Variants in PSD3 observed in about 807,000 individuals in gnomAD.
PSD3 encodes pleckstrin and Sec7 domain containing 3.
Under a neutral mutation model 105.5 loss-of-function variants are expected in PSD3, and 49 were observed. That is an observed-to-expected ratio of 0.46 (90% CI 0.37 to 0.59). The LOEUF (loss-of-function observed/expected upper bound fraction) is 0.59. Among genes scored for constraint, PSD3 ranks in the 20% least tolerant of loss-of-function variants. The probability of loss-of-function intolerance (pLI) is 0.00; values close to 1 mark genes in which losing one functional copy is unlikely to be tolerated. For missense variants in PSD3, 1,561 were observed against 1,263.8 expected, an observed-to-expected ratio of 1.24 and a Z score of -3.57; for synonymous variants, 557 against 457.8, an observed-to-expected ratio of 1.22 and a Z score of -2.77.
chr8:18,743,368 C>T (rs926871374), intron 9 of PSD3, among the ~76,000 whole-genome samples: 3 of 152,052 alleles, frequency 2.0e-5, no homozygotes, highest in East Asian at 1.9e-4. Context: ...GGAGAATGAA[C>T]GGATGGGAAA....
At chr8:18,892,227 C>CTT (rs36035049) in intron 2 of PSD3, among the ~76,000 whole-genome samples, 34 of 144,358 alleles carry the variant, frequency 2.4e-4, no homozygotes, top group South Asian at 6.6e-4. Flanking sequence ...ACCATATAAA[C>CTT]TTTTTTTTTT....
intron 4 of PSD3, among the ~76,000 whole-genome samples, chr8:18,812,067 C>T (rs1351148972): frequency 1.3e-5 from 2 of 152,118 alleles, no homozygotes; most frequent in Non-Finnish European, 2.9e-5. Flanking sequence ...AATCTCGGAT[C>T]AGACTGAACA....
At chr8:18,610,862 T>G (rs1377093630) in intron 11 of PSD3, among the ~76,000 whole-genome samples, 1 of 152,190 alleles carries the variant, frequency 6.6e-6, no homozygotes, top group Non-Finnish European at 1.5e-5. Context: ...GCTAGGCACT[T>G]AGATTTTATT....
In PSD3 at chr8:18,731,921, G is replaced by A. The variant is rs1055486799; in HGVS notation, c.2172+33528C>T. 2.6e-5 allele frequency among the ~76,000 whole-genome samples: 4 copies of A among 152,158 alleles called. No homozygotes were observed. The East Asian group carries it at 5.8e-4, about 22-fold the overall frequency. The stretch of plus-strand genomic sequence containing the variant: ...TGCCCATCAGTGAGTAGGATGCACA[G>A]CTATTTGAGGAGTCTGAGAGGTCAC... On this transcript the variant is annotated intron_variant, in intron 9 of 15. Transcript: ENST00000327040.
In PSD3 at chr8:18,871,467, C is replaced by G. The variant is rs368415248; in HGVS notation, c.1238+159G>C. 1.1e-4 allele frequency among the ~76,000 whole-genome samples: 16 copies of G among 152,324 alleles called. No individual in the cohort carries two copies. In the East Asian group the frequency reaches 2.5e-3, roughly 24 times the overall value. ...AATATCTGAGAAGCTTAGGAGGAAT[C>G]TTAGCTTAGAAGGACCTAGCTCACA... On this transcript the variant is annotated intron_variant, in intron 3 of 15. Transcript: ENST00000327040.
chr8:19,031,985 G>T (rs999607310), intron 1 of PSD3, among the ~76,000 whole-genome samples: 1 of 152,004 alleles, frequency 6.6e-6, no homozygotes, highest in South Asian at 2.1e-4. Flanking sequence ...CTTCTATTTT[G>T]GAGAAATGAT....
At chr8:18,580,846 C>T (rs1393918095) in intron 12 of PSD3, among the ~76,000 whole-genome samples, 1 of 152,142 alleles carries the variant, frequency 6.6e-6, no homozygotes, top group African/African-American at 2.4e-5. Flanking sequence ...CTACAATAAT[C>T]AAGAGGTGAA....
At chr8:18,906,195 T>A (rs188034394) in intron 2 of PSD3, among the ~76,000 whole-genome samples, 1 of 152,168 alleles carries the variant, frequency 6.6e-6, no homozygotes, top group Non-Finnish European at 1.5e-5. Flanking sequence ...AAATATCAGA[T>A]AAACATTTAT....
chr8:18,751,255 C>G (rs1030357956), intron 9 of PSD3, among the ~76,000 whole-genome samples: 1 of 152,196 alleles, frequency 6.6e-6, no homozygotes, highest in Non-Finnish European at 1.5e-5. Flanking sequence ...GCTGGGGGAC[C>G]CAGTACACCC....
intron 15 of PSD3, among the ~76,000 whole-genome samples, chr8:18,550,604 C>G (rs1472600420): frequency 6.6e-6 from 1 of 151,876 alleles, no homozygotes; most frequent in Admixed American, 6.6e-5. Context: ...GTGCTCAGAA[C>G]ATTTAATATT....
intron 2 of PSD3, among the ~76,000 whole-genome samples, chr8:18,909,552 T>C (rs952082126): frequency 6.6e-6 from 1 of 152,194 alleles, no homozygotes; most frequent in Non-Finnish European, 1.5e-5. Flanking sequence ...TGATCTCGGC[T>C]CACTGCAACC....
intron 15 of PSD3, among the ~76,000 whole-genome samples, chr8:18,536,459 T>G (rs10098042): frequency 0.91 from 138,558 of 152,232 alleles, 63,131 homozygotes; most frequent in East Asian, 0.97. Context: ...ATTCCGTGGC[T>G]AATCTCCTGG....
At chr8:18,752,586 T>TTA (rs1348020646) in intron 9 of PSD3, among the ~76,000 whole-genome samples, 1,123 of 77,966 alleles carry the variant, frequency 0.014, 57 homozygotes, top group African/African-American at 0.077. Flanking sequence ...ATTATATATA[T>TTA]TATATATTAT....
chr8:18,969,300 T>C (rs1239148014), intron 1 of PSD3, among the ~76,000 whole-genome samples: 9 of 152,228 alleles, frequency 5.9e-5, no homozygotes, highest in Non-Finnish European at 7.3e-5. Flanking sequence ...ACAAAGCACA[T>C]ATTGTCTTAA....
In PSD3 at chr8:18,843,332, C is replaced by CAAA. The variant is rs371463032; in HGVS notation, c.1634+24339_1634+24341dup. ...GCCGAGATCGCACGAGACTCCGTCT[C>CAAA]AAAAAAAAAAAAAAAGAGTTATTGC... On this transcript the variant is annotated intron_variant, in intron 4 of 15. Coordinates refer to ENST00000327040, the MANE Select transcript of PSD3 (RefSeq NM_015310.4). Among the ~76,000 whole-genome samples, 425 of 118,570 alleles carry CAAA rather than the reference C, an allele frequency of 3.6e-3. 4 individuals are homozygous for CAAA. The highest frequency in any genetic ancestry group is 0.012 in the African/African-American group (380 of 31,130). The allele number at this position is 118,570 out of a possible 152,430, so 77.8% of individuals were successfully genotyped here.
intron 9 of PSD3, among the ~76,000 whole-genome samples, chr8:18,755,477 CATAACATAAA>C (rs1805959189): frequency 6.6e-6 from 1 of 151,690 alleles, no homozygotes; most frequent in African/African-American, 2.4e-5. Flanking sequence ...CATAACATAA[CATAACATAAA>C]AATGCTCCAA....
intron 7 of PSD3, among the ~76,000 whole-genome samples, chr8:18,799,958 G>A (rs1048889313): frequency 2.0e-5 from 3 of 152,114 alleles, no homozygotes; most frequent in Non-Finnish European, 4.4e-5. Context: ...ATAAATTAAA[G>A]CCAGGGTATT....
At chr8:18,984,394 T>G (rs1454467806) in intron 1 of PSD3, among the ~76,000 whole-genome samples, 2 of 152,030 alleles carry the variant, frequency 1.3e-5, no homozygotes. Flanking sequence ...GGTACAAATT[T>G]ATAGCCCATG....
chr8:18,557,830 T>C (rs920882940), intron 14 of PSD3, among the ~76,000 whole-genome samples: 3 of 152,250 alleles, frequency 2.0e-5, no homozygotes, highest in African/African-American at 7.2e-5. Flanking sequence ...TTCTTACTCA[T>C]CTATTACTTT....
Sources: gnomAD v4.1 joint callset for allele counts (sites outside exome capture counted in the v4.1 genomes callset) on GRCh38, gnomAD v4.1.1 for gene constraint, MANE v1.5 for transcripts, NCBI Gene and HGNC (gene_info 2026-07-23, HGNC 2026-07-21) for gene names.